The following SRP68 variants were observed in gnomAD, a reference collection of about 807,000 sequenced individuals.
The protein encoded by SRP68 is signal recognition particle subunit SRP68.
A neutral mutation model predicts 82.2 loss-of-function variants in SRP68; 15 were observed. The ratio of observed to expected loss-of-function variants is 0.18; its 90% confidence interval spans 0.12 to 0.28. The LOEUF (loss-of-function observed/expected upper bound fraction) is 0.28, where lower values mean the gene tolerates loss of function less well. Among genes scored for constraint, SRP68 ranks in the 10% least tolerant of loss-of-function variants. SRP68 has a pLI of 1.00. For missense variants in SRP68, 595 were observed against 780.5 expected, an observed-to-expected ratio of 0.76 and a Z score of 2.83; for synonymous variants, 261 against 292.6, an observed-to-expected ratio of 0.89 and a Z score of 1.10.
At chr17:76,048,830 A>T (rs767516917) in intron 9 of SRP68, 1 of 152,236 alleles carries the variant, frequency 6.6e-6, no homozygotes, top group East Asian at 1.9e-4. Context: ...CATTCCTTAC[A>T]TTCTGTGAGG....
At chr17:76,057,864 G>A (rs1179179354) in intron 7 of SRP68, among the ~76,000 whole-genome samples, 3 of 152,240 alleles carry the variant, frequency 2.0e-5, no homozygotes, top group African/African-American at 4.8e-5. Context: ...TAGTAGAGAC[G>A]AGGTTTCACC....
chr17:76,067,618 C>T (rs887454976), intron 2 of SRP68, among the ~76,000 whole-genome samples: 1 of 152,096 alleles, frequency 6.6e-6, no homozygotes, highest in Non-Finnish European at 1.5e-5. Flanking sequence ...AGGTGTACCA[C>T]CACACATGGC....
At chr17:76,057,326 G>C in intron 8 of SRP68, 77 bp downstream of exon 8, 1 of 1,567,154 alleles carries the variant, frequency 6.4e-7, no homozygotes, top group Non-Finnish European at 8.8e-7. Flanking sequence ...GAATACCAAC[G>C]AGCCACTACA....
At position 76,072,365 on chromosome 17, in the gene SRP68, G is replaced by C. The variant is rs373040048; in HGVS notation, c.127C>G (p.Arg43Gly). ...TTTGCCTTCGATCCGGCCGAAGGGC[G>C]TTCGTTTTCTTTATTTTCTTCCCCT... ...AGGEENKENE[R>G]PSAGSKANKE... Residue 43 changes from arginine (R) to glycine (G), a missense_variant, in exon 1 of 16, where the codon CGC (arginine) becomes GGC (glycine). By Grantham distance (125) the Arg-to-Gly change is moderately radical. Coordinates refer to ENST00000307877, the MANE Select transcript of SRP68 (RefSeq NM_014230.4). The surrounding 1 kb of genome is among the most constrained non-coding windows in gnomAD (Gnocchi z 4.5). 6.8e-6 allele frequency: 11 copies of C among 1,612,452 alleles called. No homozygotes were observed. The highest frequency in any genetic ancestry group is 9.3e-6 in the Non-Finnish European group (11 of 1,179,754).
Position 76,071,902 on chromosome 17 carries a change from A to G in SRP68, c.184+406T>C, listed in dbSNP as rs2066855758. 4.3e-6 allele frequency: 1 copy of G among 229,984 alleles called. No homozygotes were observed. The highest frequency in any genetic ancestry group is 7.3e-5 in the South Asian group (1 of 13,782). 14.2% of individuals were successfully genotyped at this position (229,984 alleles called of 1,614,324 possible). ...AAAGTATCGAGCTGTAGGTTTTACTACTCAGTCTATGACGACTGTCAGACA... is the reference window on the plus strand; with the variant it reads ...AAAGTATCGAGCTGTAGGTTTTACTGCTCAGTCTATGACGACTGTCAGACA... On this transcript the variant is annotated intron_variant, in intron 1 of 15. Coordinates refer to ENST00000307877, the MANE Select transcript of SRP68 (RefSeq NM_014230.4). This position sits in a 1 kb window ranked among gnomAD's most constrained non-coding sequence, Gnocchi z 4.7.
At chr17:76,047,581 T>C (rs1242753565) in intron 10 of SRP68, among the ~76,000 whole-genome samples, 2 of 152,044 alleles carry the variant, frequency 1.3e-5, no homozygotes. Context: ...TCCAGGAGTT[T>C]GAGACCAGCC....
At chr17:76,063,854 A>T in intron 4 of SRP68, 122 bp downstream of exon 4, 1 of 800,378 alleles carries the variant, frequency 1.2e-6, no homozygotes, top group South Asian at 2.6e-5. Flanking sequence ...GCAAGTTCGG[A>T]AAGTTTTTTT....
intron 4 of SRP68, among the ~76,000 whole-genome samples, chr17:76,062,571 T>C (rs1199137345): frequency 7.8e-5 from 4 of 51,176 alleles, no homozygotes; most frequent in East Asian, 4.6e-4. Context: ...ATATATTATA[T>C]AATATACATT....
intron 7 of SRP68, among the ~76,000 whole-genome samples, chr17:76,057,825 C>T (rs1052994354): frequency 1.3e-5 from 2 of 151,932 alleles, no homozygotes; most frequent in African/African-American, 4.8e-5. Flanking sequence ...CAGGCACATG[C>T]CACCATGCCC....
rs777654342 is a variant in SRP68 at position 76,072,428 on chromosome 17, TGCCACCGCCGCCGCCACTGCC to T, written c.43_63del (p.Gly15_Gly21del). ...CCACCGCCGCTACCGCCGCCGCCAC[TGCCACCGCCGCCGCCACTGCC>T]GCCGCCGCCGCCGCCGCCTGGGACC... On this transcript the variant is annotated inframe_deletion, in exon 1 of 16. Coordinates refer to ENST00000307877, the MANE Select transcript of SRP68 (RefSeq NM_014230.4). The surrounding 1 kb of genome is among the most constrained non-coding windows in gnomAD (Gnocchi z 4.5). 1.1e-5 allele frequency: 18 copies of T among 1,585,484 alleles called. No individual in the cohort carries two copies. Among genetic ancestry groups the T allele is most frequent in the African/African-American group, 2.7e-5 (2 of 73,690 alleles).
intron 3 of SRP68, among the ~76,000 whole-genome samples, chr17:76,064,918 A>T (rs1206151185): frequency 6.6e-6 from 1 of 151,822 alleles, no homozygotes; most frequent in Admixed American, 6.6e-5. Context: ...ACAGAATCCC[A>T]GTGCCACCGC....
intron 8 of SRP68, among the ~76,000 whole-genome samples, chr17:76,054,553 A>G (rs2066698951): frequency 6.6e-6 from 1 of 152,208 alleles, no homozygotes; most frequent in African/African-American, 2.4e-5. Flanking sequence ...ACTTGAGGAT[A>G]AGAATCACCA....
At position 76,071,615 on chromosome 17, in the gene SRP68, G is replaced by T. The variant is rs1168885285; in HGVS notation, c.184+693C>A. 6.6e-6 allele frequency among the ~76,000 whole-genome samples: 1 copy of T among 152,178 alleles called. No individual in the cohort carries two copies. Among genetic ancestry groups the T allele is most frequent in the Non-Finnish European group, 1.5e-5 (1 of 68,042 alleles). ...AGCACATTAAGATGTCAAGTTGAAT[G>T]TGTTATTTCAGAAACTCGCCTACGT... On this transcript the variant is annotated intron_variant, in intron 1 of 15. Transcript: ENST00000307877. This position sits in a 1 kb window ranked among gnomAD's most constrained non-coding sequence, Gnocchi z 4.7.
chr17:76,046,517 C>T (rs1369546601), intron 10 of SRP68, among the ~76,000 whole-genome samples: 3 of 150,330 alleles, frequency 2.0e-5, no homozygotes, highest in Non-Finnish European at 3.0e-5. Flanking sequence ...CAGCAACTCA[C>T]GAGGCAGGAG....
rs761992232 is a variant in SRP68 at position 76,040,517 on chromosome 17, T to C, written c.1601-43A>G. 56 of 1,588,778 alleles carry C rather than the reference T, an allele frequency of 3.5e-5. No homozygotes were observed. In the African/African-American group the frequency reaches 6.6e-4, roughly 19 times the overall value. On this transcript the variant is annotated intron_variant, in intron 14 of 15. Transcript: ENST00000307877. ...ATTCAGTAAGAACAAGGATTTATAA[T>C]AGCACACTAATCACAAATGAGGCCT... is the stretch of plus-strand genomic sequence containing the variant.
intron 8 of SRP68, 36 bp downstream of exon 8, chr17:76,057,367 A>T (rs1460329977): frequency 1.2e-6 from 2 of 1,613,354 alleles, no homozygotes; most frequent in African/African-American, 2.7e-5. Context: ...CTTCAGACAC[A>T]TACAGAAGAC....
rs183639411 is a variant in SRP68, at chr17:76,061,343, G to A, written c.645-124C>T. 1.6e-4 allele frequency: 150 copies of A among 959,200 alleles called. No homozygotes were observed. The East Asian group carries it at 2.7e-3, about 17-fold the overall frequency. 59.4% of individuals were successfully genotyped at this position (959,200 alleles called of 1,614,324 possible). ...TCCTACCAACTACCATAACTGGCAT[G>A]TTCTAAGGTTGAAAGAGAATCATCA... On this transcript the variant is annotated intron_variant, in intron 5 of 15. Coordinates refer to ENST00000307877, the MANE Select transcript of SRP68 (RefSeq NM_014230.4).
intron 11 of SRP68, among the ~76,000 whole-genome samples, 200 bp from the exon 12 acceptor site, chr17:76,045,586 TG>T (rs2066624356): frequency 6.6e-6 from 1 of 152,110 alleles, no homozygotes; most frequent in South Asian, 2.1e-4. Flanking sequence ...GAAACATATT[TG>T]CCCTTTACAA....
chr17:76,050,621 C>G lies in SRP68; in HGVS notation c.979-95G>C, dbSNP rs1420341576. 3.9e-6 allele frequency: 3 copies of G among 777,052 alleles called. No individual in the cohort carries two copies. In the Admixed American group the frequency reaches 5.7e-5, roughly 15 times the overall value. The allele number at this position is 777,052 out of a possible 1,614,324, so 48.1% of individuals were successfully genotyped here. ...CAAAATCGCACATGGAGTCCCCCAA[C>G]CACACACTCACTCACGCACGCCACA... On this transcript the variant is annotated intron_variant, in intron 8 of 15. Coordinates refer to ENST00000307877, the MANE Select transcript of SRP68 (RefSeq NM_014230.4).
Sources: allele counts gnomAD v4.1 joint callset (sites outside exome capture counted in the v4.1 genomes callset), GRCh38; gene constraint gnomAD v4.1.1; non-coding constraint Gnocchi (gnomAD v3.1); transcripts MANE v1.5; gene names NCBI Gene and HGNC (gene_info 2026-07-23, HGNC 2026-07-21).